Variants in PIBF1 observed in about 807,000 individuals in gnomAD.
PIBF1 encodes the protein progesterone-induced-blocking factor 1.
A neutral mutation model predicts 112.5 loss-of-function variants in PIBF1; 90 were observed. The ratio of observed to expected loss-of-function variants is 0.80; its 90% confidence interval spans 0.67 to 0.95. PIBF1 has a LOEUF of 0.95. Ranked by LOEUF, PIBF1 falls within the 40% of genes least tolerant of loss-of-function variation. PIBF1 has a pLI of 0.00. For missense variants in PIBF1, 915 were observed against 852.3 expected (o/e 1.07, Z -0.92); for synonymous variants, 301 against 288.6 (o/e 1.04, Z -0.44).
intron 8 of PIBF1, among the ~76,000 whole-genome samples, chr13:72,830,956 G>T (rs890518584): frequency 6.6e-6 from 1 of 152,048 alleles, no homozygotes; most frequent in Admixed American, 6.6e-5. Context: ...ACTTGTTATT[G>T]GTTTATTCAG....
intron 9 of PIBF1, among the ~76,000 whole-genome samples, chr13:72,848,039 A>T (rs1208548632): frequency 1.3e-5 from 2 of 152,242 alleles, no homozygotes; most frequent in Non-Finnish European, 2.9e-5. Context: ...AAATATTTTT[A>T]CATGAAGACA....
At chr13:72,945,445 T>C (rs2042124017) in intron 14 of PIBF1, among the ~76,000 whole-genome samples, 1 of 152,190 alleles carries the variant, frequency 6.6e-6, no homozygotes, top group Non-Finnish European at 1.5e-5. Context: ...GTGTTTCAAG[T>C]TCTTTGAGAA....
intron 13 of PIBF1, among the ~76,000 whole-genome samples, chr13:72,925,917 G>A (rs1308204144): frequency 6.6e-6 from 1 of 152,042 alleles, no homozygotes; most frequent in Non-Finnish European, 1.5e-5. Context: ...TTGAAGCCCA[G>A]AATTTTAAAA....
intron 5 of PIBF1, among the ~76,000 whole-genome samples, chr13:72,806,374 C>CTT (rs397830007): frequency 2.5e-4 from 37 of 146,684 alleles, no homozygotes; most frequent in Admixed American, 1.1e-3. Flanking sequence ...ACAGAATTTT[C>CTT]TTTTTTTTTT....
Position 72,998,859 on chromosome 13 carries a change from A to G in PIBF1, c.2087A>G (p.His696Arg), listed in dbSNP as rs1484654837. 28 of 1,612,228 alleles carry G rather than the reference A, an allele frequency of 1.7e-5. No individual in the cohort carries two copies. The Admixed American group carries it at 4.0e-4, about 23-fold the overall frequency. Residue 696 changes from histidine to arginine, a missense_variant, in exon 17 of 18, where the codon CAT becomes CGT. Transcript: ENST00000326291. ...ATGAAACAGATTCTCGTTAAGATGC[A>G]TAGTAAACATTCTGAGAACAGCTTA... is the stretch of plus-strand genomic sequence containing the variant. ...AAMKQILVKM[H>R]SKHSENSLLL...
intron 10 of PIBF1, among the ~76,000 whole-genome samples, chr13:72,869,630 A>C (rs916955126): frequency 6.6e-6 from 1 of 151,288 alleles, no homozygotes; most frequent in African/African-American, 2.4e-5. Context: ...AATAATAAAA[A>C]ATAAATAATA....
intron 11 of PIBF1, among the ~76,000 whole-genome samples, chr13:72,899,767 A>G (rs2040415226): frequency 1.3e-5 from 2 of 152,148 alleles, no homozygotes; most frequent in Admixed American, 1.3e-4. Flanking sequence ...CAATCAAACA[A>G]GAGAAAGAAA....
intron 14 of PIBF1, among the ~76,000 whole-genome samples, chr13:72,952,589 G>C (rs1432307786): frequency 6.8e-6 from 1 of 146,698 alleles, no homozygotes; most frequent in African/African-American, 2.5e-5. Flanking sequence ...AGACTATTTT[G>C]TCTACCCCAG....
chr13:73,006,051 C>G (rs2139046747), intron 17 of PIBF1, among the ~76,000 whole-genome samples: 1 of 150,458 alleles, frequency 6.6e-6, no homozygotes. Flanking sequence ...TCCTGAGTAG[C>G]TGGGATTACA....
At chr13:72,862,627 A>G (rs1012335648) in intron 10 of PIBF1, among the ~76,000 whole-genome samples, 1 of 151,726 alleles carries the variant, frequency 6.6e-6, no homozygotes, top group Non-Finnish European at 1.5e-5. Flanking sequence ...AAATATACAA[A>G]TAACAATAAT....
At chr13:73,013,480 T>G (rs2044280869) in intron 17 of PIBF1, among the ~76,000 whole-genome samples, 1 of 151,744 alleles carries the variant, frequency 6.6e-6, no homozygotes, top group African/African-American at 2.4e-5. Flanking sequence ...AAACTATACT[T>G]AGGCATATCA....
intron 10 of PIBF1, among the ~76,000 whole-genome samples, chr13:72,891,763 A>G (rs1024533474): frequency 7.2e-5 from 11 of 152,168 alleles, no homozygotes; most frequent in Admixed American, 2.0e-4. Context: ...ATAAATGTTC[A>G]TGGTAGCATT....
At chr13:72,794,977 A>C (rs1358426555) in intron 3 of PIBF1, among the ~76,000 whole-genome samples, 1 of 152,210 alleles carries the variant, frequency 6.6e-6, no homozygotes, top group African/African-American at 2.4e-5. Flanking sequence ...GTTCAGTGTT[A>C]CCATCTTAAA....
chr13:72,980,591 T>TC (rs1400188178), intron 16 of PIBF1, among the ~76,000 whole-genome samples: 2 of 151,934 alleles, frequency 1.3e-5, no homozygotes, highest in African/African-American at 4.8e-5. Context: ...GCTCAGGAGT[T>TC]CAAGACCAGC....
At chr13:72,951,586 G>T (rs952487237) in intron 14 of PIBF1, among the ~76,000 whole-genome samples, 1 of 152,096 alleles carries the variant, frequency 6.6e-6, no homozygotes, top group Non-Finnish European at 1.5e-5. Flanking sequence ...GGCTACGTAC[G>T]GTATGATTCC....
intron 16 of PIBF1, among the ~76,000 whole-genome samples, chr13:72,992,567 G>A (rs2043514343): frequency 1.3e-5 from 2 of 152,154 alleles, no homozygotes; most frequent in Non-Finnish European, 1.5e-5. Context: ...GCCGAGGCAG[G>A]CAGATCACTT....
intron 17 of PIBF1, among the ~76,000 whole-genome samples, chr13:73,010,814 T>A (rs1462798421): frequency 1.0e-5 from 1 of 99,426 alleles, no homozygotes; most frequent in South Asian, 3.6e-4. Flanking sequence ...ACTTTTCTTT[T>A]TTTTTTTTTT....
chr13:72,941,024 T>A (rs984983020), intron 14 of PIBF1, among the ~76,000 whole-genome samples: 1 of 152,220 alleles, frequency 6.6e-6, no homozygotes, highest in African/African-American at 2.4e-5. Context: ...GGTTATTACT[T>A]CTATCAACAG....
At chr13:73,013,455 A>G (rs1566548824) in intron 17 of PIBF1, among the ~76,000 whole-genome samples, 1 of 151,926 alleles carries the variant, frequency 6.6e-6, no homozygotes, top group Non-Finnish European at 1.5e-5. Flanking sequence ...CAAAAAGAAA[A>G]AAACAAAAAA....
Sources: allele counts gnomAD v4.1 joint callset (sites outside exome capture counted in the v4.1 genomes callset), GRCh38; gene constraint gnomAD v4.1.1; transcripts MANE v1.5; gene names NCBI Gene and HGNC (gene_info 2026-07-23, HGNC 2026-07-21).